Variants in SETBP1 observed in about 807,000 individuals in gnomAD.
SETBP1 encodes the protein SET-binding protein.
SETBP1 carries 9 observed loss-of-function variants against 101.0 expected under a neutral mutation model. The observed-to-expected ratio is 0.09, with a 90% CI of 0.05 to 0.16. The LOEUF (loss-of-function observed/expected upper bound fraction) is 0.16, where lower values mean the gene tolerates loss of function less well. SETBP1 is among the 10% of genes least tolerant of loss of function. The pLI, the probability that SETBP1 is intolerant of heterozygous loss-of-function variation, is 1.00. For missense variants in SETBP1, 1,858 were observed against 2,033.8 expected, an observed-to-expected ratio of 0.91 and a Z score of 1.66; for synonymous variants, 818 against 788.5, an observed-to-expected ratio of 1.04 and a Z score of -0.63.
At chr18:45,049,658 C>A (rs2073688826) in intron 5 of SETBP1, among the ~76,000 whole-genome samples, 1 of 152,106 alleles carries the variant, frequency 6.6e-6, no homozygotes, top group Non-Finnish European at 1.5e-5. Context: ...TAACCCTGAC[C>A]AGCTTCTCTC....
At chr18:44,962,823 G>A (rs1239629330) in intron 4 of SETBP1, among the ~76,000 whole-genome samples, 1 of 152,172 alleles carries the variant, frequency 6.6e-6, no homozygotes, top group Non-Finnish European at 1.5e-5. Context: ...GATCTTCAGT[G>A]CGGGGGCTGG....
At chr18:44,706,399 A>G (rs1483321674) in intron 2 of SETBP1, among the ~76,000 whole-genome samples, 1 of 151,666 alleles carries the variant, frequency 6.6e-6, no homozygotes, top group Non-Finnish European at 1.5e-5. Flanking sequence ...CAGCCTGCCC[A>G]ACGTAGCAAA....
chr18:44,950,248 G>A lies in SETBP1; in HGVS notation c.908G>A (p.Ser303Asn), dbSNP rs370644058. 6.2e-7 allele frequency: 1 copy of A among 1,614,058 alleles called. No homozygotes were observed. The highest frequency in any genetic ancestry group is 8.5e-7 in the Non-Finnish European group (1 of 1,180,046). The change falls in exon 4 of 6, where the codon AGC becomes AAC. Residue 303 changes from serine (S) to asparagine (N), a missense_variant. Transcript: ENST00000649279. Reference sequence around the variant, plus strand: ...AGCCACAGCTCACCAGCCCCACCCAGCAGCTCTGCTGAGTGCAACGGGCTT... The same window carrying A: ...AGCCACAGCTCACCAGCCCCACCCAACAGCTCTGCTGAGTGCAACGGGCTT... ...PSSHSSPAPPSSSAECNGLQP... is the reference protein window; with the variant it reads ...PSSHSSPAPPNSSAECNGLQP...
intron 1 of SETBP1, among the ~76,000 whole-genome samples, chr18:44,691,284 G>A (rs1179328952): frequency 6.6e-6 from 1 of 152,156 alleles, no homozygotes; most frequent in African/African-American, 2.4e-5. Context: ...CTGCATCACA[G>A]TGCTGTTGTG....
intron 3 of SETBP1, among the ~76,000 whole-genome samples, chr18:44,924,878 G>GCT (rs1269565230): frequency 6.6e-6 from 1 of 152,134 alleles, no homozygotes; most frequent in African/African-American, 2.4e-5. Flanking sequence ...AGATGGTTCA[G>GCT]AAGAGCATAG....
chr18:44,829,859 T>C (rs2072319577), intron 2 of SETBP1, among the ~76,000 whole-genome samples: 2 of 152,342 alleles, frequency 1.3e-5, no homozygotes, highest in African/African-American at 4.8e-5. Flanking sequence ...CTTCTACGTA[T>C]CCACATTATT....
chr18:44,939,626 T>A (rs536889224), intron 3 of SETBP1, among the ~76,000 whole-genome samples: 14 of 152,262 alleles, frequency 9.2e-5, no homozygotes, highest in Non-Finnish European at 1.8e-4. Flanking sequence ...AAAGACATGC[T>A]GAGAGATCTT....
intron 4 of SETBP1, among the ~76,000 whole-genome samples, chr18:44,995,448 A>T (rs922413008): frequency 6.6e-6 from 1 of 151,760 alleles, no homozygotes; most frequent in Non-Finnish European, 1.5e-5. Context: ...GTCATTATTT[A>T]CATTTTTAAT....
At chr18:44,775,165 T>C (rs1434090183) in intron 2 of SETBP1, among the ~76,000 whole-genome samples, 1 of 152,172 alleles carries the variant, frequency 6.6e-6, no homozygotes, top group Non-Finnish European at 1.5e-5. Context: ...ATTGGGGGTA[T>C]AGTTTCATGG....
intron 3 of SETBP1, among the ~76,000 whole-genome samples, chr18:44,899,734 G>T (rs1052991538): frequency 6.6e-6 from 1 of 152,168 alleles, no homozygotes; most frequent in East Asian, 1.9e-4. Flanking sequence ...CAGATTCTAT[G>T]TGCCCTTGGA....
At chr18:44,724,235 T>C (rs929890749) in intron 2 of SETBP1, among the ~76,000 whole-genome samples, 2 of 151,994 alleles carry the variant, frequency 1.3e-5, no homozygotes, top group African/African-American at 4.8e-5. Context: ...GGGACAGGGG[T>C]TTAGAAGCAA....
intron 2 of SETBP1, among the ~76,000 whole-genome samples, chr18:44,733,963 G>T (rs1007351589): frequency 3.9e-5 from 6 of 152,072 alleles, no homozygotes; most frequent in Admixed American, 2.6e-4. Flanking sequence ...GGATCTGCCC[G>T]GTCCAAAAGT....
intron 4 of SETBP1, among the ~76,000 whole-genome samples, chr18:45,011,536 G>A (rs1051831835): frequency 2.0e-5 from 3 of 152,156 alleles, no homozygotes; most frequent in African/African-American, 4.8e-5. Context: ...TAACTGCTGC[G>A]CTGAACAGCC....
chr18:44,957,658 A>C (rs2071518709), intron 4 of SETBP1, among the ~76,000 whole-genome samples: 1 of 152,142 alleles, frequency 6.6e-6, no homozygotes, highest in Non-Finnish European at 1.5e-5. Context: ...TTGAGGAGGC[A>C]GTCTCTGCTG....
chr18:44,957,755 C>T (rs555218155), intron 4 of SETBP1, among the ~76,000 whole-genome samples: 3 of 152,010 alleles, frequency 2.0e-5, no homozygotes, highest in East Asian at 3.9e-4. Flanking sequence ...GAATTAGCCA[C>T]GTGGATGAAA....
intron 2 of SETBP1, among the ~76,000 whole-genome samples, chr18:44,803,698 G>A (rs145118981): frequency 6.6e-6 from 1 of 151,990 alleles, no homozygotes; most frequent in African/African-American, 2.4e-5. Context: ...TTTTCTCTCT[G>A]TATTCTTTTC....
At chr18:44,715,310 C>A (rs549875771) in intron 2 of SETBP1, among the ~76,000 whole-genome samples, 1 of 152,022 alleles carries the variant, frequency 6.6e-6, no homozygotes, top group African/African-American at 2.4e-5. Context: ...CAGGTCACAG[C>A]GGCAGTGAGG....
At chr18:44,896,226 A>C (rs1164709339) in intron 3 of SETBP1, among the ~76,000 whole-genome samples, 1 of 152,176 alleles carries the variant, frequency 6.6e-6, no homozygotes, top group African/African-American at 2.4e-5. Context: ...AGTGGCTTGG[A>C]GGTCCACTGT....
intron 2 of SETBP1, among the ~76,000 whole-genome samples, chr18:44,831,659 G>C (rs1021547575): frequency 6.6e-6 from 1 of 152,116 alleles, no homozygotes; most frequent in East Asian, 1.9e-4. Context: ...AGGTTATGAA[G>C]AGGAGTGAGT....
Sources: allele counts gnomAD v4.1 joint callset (sites outside exome capture counted in the v4.1 genomes callset), GRCh38; gene constraint gnomAD v4.1.1; transcripts MANE v1.5; gene names NCBI Gene and HGNC (gene_info 2026-07-23, HGNC 2026-07-21).